Variants in NCAPH observed in about 807,000 individuals in gnomAD.
NCAPH encodes condensin complex subunit 2.
A neutral mutation model predicts 85.5 loss-of-function variants in NCAPH; 38 were observed. The ratio of observed to expected loss-of-function variants is 0.44; its 90% CI spans 0.34 to 0.58. The LOEUF is 0.58. NCAPH is among the 20% of genes least tolerant of loss of function. The pLI is 0.01. For missense variants in NCAPH, 789 were observed against 916.6 expected, an observed-to-expected ratio of 0.86 and a Z score of 1.80; for synonymous variants, 301 against 335.1, an observed-to-expected ratio of 0.90 and a Z score of 1.11.
At chr2:96,341,595 T>A in intron 1 of NCAPH, 47 bp from the exon 2 acceptor site, 1 of 1,584,444 alleles carries the variant, frequency 6.3e-7, no homozygotes. Context: ...TCTTTGGATA[T>A]AGGAAATGTT....
intron 3 of NCAPH, 46 bp downstream of exon 3, chr2:96,342,186 CAG>C (rs1670250367): frequency 1.2e-5 from 17 of 1,443,580 alleles, no homozygotes; most frequent in South Asian, 1.1e-4. Flanking sequence ...CCCTTGATCA[CAG>C]GGGAAATCCA....
intron 8 of NCAPH, among the ~76,000 whole-genome samples, chr2:96,353,822 T>C (rs559756856): frequency 6.6e-6 from 1 of 152,268 alleles, no homozygotes; most frequent in South Asian, 2.1e-4. Context: ...AGCTTTCCTC[T>C]GTGTATTTTT....
At chr2:96,338,609 AG>A (rs1488684444) in intron 1 of NCAPH, among the ~76,000 whole-genome samples, 7 of 152,178 alleles carry the variant, frequency 4.6e-5, no homozygotes, top group African/African-American at 1.7e-4. Context: ...GGTCCTTGTA[AG>A]AGGAAGGTCG....
intron 8 of NCAPH, among the ~76,000 whole-genome samples, 160 bp downstream of exon 8, chr2:96,353,557 G>T (rs1014709122): frequency 5.3e-5 from 8 of 152,176 alleles, no homozygotes; most frequent in Admixed American, 3.3e-4. Flanking sequence ...AGGGAGGAGG[G>T]TAGGGTTGTG....
At chr2:96,368,889 T>C in intron 15 of NCAPH, 83 bp from the exon 16 acceptor site, 1 of 1,300,620 alleles carries the variant, frequency 7.7e-7, no homozygotes, top group Non-Finnish European at 1.1e-6. Flanking sequence ...GTATAGACTT[T>C]TTGGTGACAC....
At chr2:96,373,208 C>A in intron 17 of NCAPH, 84 bp from the exon 18 acceptor site, 1 of 1,155,510 alleles carries the variant, frequency 8.7e-7, no homozygotes, top group Non-Finnish European at 1.3e-6. Flanking sequence ...TCTTTGTAGT[C>A]ACTACCTTGT....
rs572252352 is a variant in NCAPH at position 96,359,196 on chromosome 2, A to G, written c.1357+3A>G. The G allele has an allele frequency of 2.7e-5, 43 of 1,613,532 alleles. No homozygotes were observed. Among genetic ancestry groups the G allele is most frequent in the South Asian group, 1.3e-4 (12 of 90,950 alleles). On this transcript the variant is annotated splice_donor_region_variant and intron_variant, in intron 10 of 17. Transcript: ENST00000240423. ...GCGCTTTAGGCCTCGACGCAAACGT[A>G]TGTAATTCTAGGTGGAATTTTAAGA...
chr2:96,351,579 A>T (rs1260975631), intron 6 of NCAPH, among the ~76,000 whole-genome samples: 1 of 151,950 alleles, frequency 6.6e-6, no homozygotes, highest in Non-Finnish European at 1.5e-5. Context: ...GAGGCCCAAG[A>T]ATCGCTTGAG....
At chr2:96,362,657 TTGCAGATGTGGTA>T (rs1052446403) in intron 12 of NCAPH, among the ~76,000 whole-genome samples, 4 of 152,110 alleles carry the variant, frequency 2.6e-5, no homozygotes, top group Admixed American at 6.5e-5. Flanking sequence ...GAGGAAGTCA[TTGCAGATGTGGTA>T]TGCAGATGTG....
In NCAPH at chr2:96,342,065, A is replaced by G; in HGVS notation, c.288A>G (p.Ser96=). The G allele has an allele frequency of 2.5e-6, 4 of 1,612,106 alleles. No individual in the cohort carries two copies. Among genetic ancestry groups the G allele is most frequent in the Non-Finnish European group, 1.7e-6 (2 of 1,178,128 alleles). The change falls in exon 3 of 18, where the codon TCA becomes TCG. Residue 96 remains serine (S), a synonymous_variant. Coordinates refer to ENST00000240423, the MANE Select transcript of NCAPH (RefSeq NM_015341.5). ...TTCCATTTAGGAGTATTGACATTTCAGCTACTATCCCCAAGTTTACAAACA... is the reference window on the plus strand; with the variant it reads ...TTCCATTTAGGAGTATTGACATTTCGGCTACTATCCCCAAGTTTACAAACA... ...ASPSSRSIDI[S]ATIPKFTNTQ...
chr2:96,369,575 T>C lies in NCAPH; in HGVS notation c.2166+75T>C, dbSNP rs551355477. The C allele has an allele frequency of 6.0e-5, 85 of 1,422,174 alleles. 1 individual carries two copies. The African/African-American group carries it at 1.1e-3, about 19-fold the overall frequency. 88.1% of individuals were successfully genotyped at this position (1,422,174 alleles called of 1,614,324 possible). Reference sequence around the variant, plus strand: ...TCAACTCATTTAGCTTTGTATTTGATCTTTCATGGGCTAACATAGGATTTC... The same window carrying C: ...TCAACTCATTTAGCTTTGTATTTGACCTTTCATGGGCTAACATAGGATTTC... On this transcript the variant is annotated intron_variant, in intron 17 of 17. Transcript: ENST00000240423.
Position 96,374,432 on chromosome 2 carries a change from T to G in NCAPH, c.*1081T>G, listed in dbSNP as rs1360924588. On this transcript the variant is annotated 3_prime_UTR_variant, in exon 18 of 18. Transcript: ENST00000240423. ...TTGCTTGCAATTTGGAACAATATTA[T>G]AGATGTTGATCCAAGTAGTTCTGTT... 1.3e-5 allele frequency among the ~76,000 whole-genome samples: 2 copies of G among 152,216 alleles called. No individual in the cohort carries two copies. Among genetic ancestry groups the G allele is most frequent in the African/African-American group, 4.8e-5 (2 of 41,458 alleles).
In NCAPH at chr2:96,375,376, T is replaced by G. The variant is rs923477080; in HGVS notation, c.*2025T>G. Among the ~76,000 whole-genome samples the G allele has an allele frequency of 6.6e-6, 1 of 152,174 alleles. No individual in the cohort carries two copies. Among genetic ancestry groups the G allele is most frequent in the Non-Finnish European group, 1.5e-5 (1 of 68,020 alleles). On this transcript the variant is annotated 3_prime_UTR_variant, in exon 18 of 18. Transcript: ENST00000240423. ...AAATTCACATGTTGGTATTAAGAGA[T>G]AGGGCCTTTGGGAGGTGATTAGGTT...
At position 96,354,212 on chromosome 2, in the gene NCAPH, G is replaced by C. The variant is rs748736147; in HGVS notation, c.1032G>C (p.Lys344Asn). The change falls in exon 9 of 18, where the codon AAG (lysine) becomes AAC (asparagine). Residue 344 changes from lysine (K) to asparagine (N), a missense_variant. Physicochemically the swap from Lys to Asn is moderately conservative, Grantham distance 94. Coordinates refer to ENST00000240423, the MANE Select transcript of NCAPH (RefSeq NM_015341.5). ...TGTCGGCCCTGGTAGACAAGTTTAA[G>C]AAGAATGACCAGGTATTTGACATCA... ...ESVSALVDKF[K>N]KNDQVFDINA... The C allele has an allele frequency of 1.5e-5, 25 of 1,614,164 alleles. No individual in the cohort carries two copies. The highest frequency in any genetic ancestry group is 1.9e-5 in the Non-Finnish European group (23 of 1,180,018).
At chr2:96,361,769 CAT>C (rs1215314705) in intron 12 of NCAPH, among the ~76,000 whole-genome samples, 1,511 of 114,934 alleles carry the variant, frequency 0.013, 32 homozygotes, top group African/African-American at 0.046. Context: ...TATATATATA[CAT>C]ATATATATAT....
At chr2:96,337,857 T>C (rs1553445058) in intron 1 of NCAPH, among the ~76,000 whole-genome samples, 1 of 152,096 alleles carries the variant, frequency 6.6e-6, no homozygotes, top group Non-Finnish European at 1.5e-5. Context: ...CACAGATGCC[T>C]GGCAAAGTAC....
At chr2:96,353,432 T>C (rs1437621505) in intron 8 of NCAPH, 35 bp downstream of exon 8, 1 of 1,584,158 alleles carries the variant, frequency 6.3e-7, no homozygotes, top group Admixed American at 1.7e-5. Flanking sequence ...TGGTTTCAGT[T>C]AGTTGGCTCA....
intron 9 of NCAPH, among the ~76,000 whole-genome samples, chr2:96,357,579 A>G (rs2064540849): frequency 6.6e-6 from 1 of 152,138 alleles, no homozygotes; most frequent in Admixed American, 6.5e-5. Flanking sequence ...TCTTCCTTCT[A>G]CCTCTGGAGT....
intron 14 of NCAPH, among the ~76,000 whole-genome samples, chr2:96,366,441 C>T (rs1315857836): frequency 6.6e-6 from 1 of 152,216 alleles, no homozygotes; most frequent in African/African-American, 2.4e-5. Context: ...TTTATCTCTT[C>T]CATACCAGGT....
Sources: gnomAD v4.1 joint callset for allele counts (sites outside exome capture counted in the v4.1 genomes callset) on GRCh38, gnomAD v4.1.1 for gene constraint, MANE v1.5 for transcripts, NCBI Gene and HGNC (gene_info 2026-07-23, HGNC 2026-07-21) for gene names.